Variants in DMAC2L observed in about 807,000 individuals in gnomAD.
DMAC2L encodes the protein distal membrane arm assembly component 2 like, also known as ATP synthase subunit s, mitochondrial.
Under a neutral mutation model 22.5 loss-of-function variants are expected in DMAC2L, and 21 were observed. The observed-to-expected ratio is 0.93, with a 90% CI of 0.66 to 1.34. DMAC2L has a LOEUF of 1.34. Among genes scored for constraint, DMAC2L ranks in the 40% most tolerant of loss-of-function variants. DMAC2L has a pLI of 0.00. For synonymous variants in DMAC2L, 86 were observed against 89.5 expected (o/e 0.96, Z 0.22); for missense variants, 239 against 246.5 (o/e 0.97, Z 0.20).
In DMAC2L at chr14:50,312,429, G is replaced by C; in HGVS notation, c.-42+40G>C. 5 of 536,394 alleles carry C rather than the reference G, an allele frequency of 9.3e-6. No homozygotes were observed. The South Asian group carries it at 1.0e-4, about 11-fold the overall frequency. The allele number at this position is 536,394 out of a possible 1,614,324, so 33.2% of individuals were successfully genotyped here. On this transcript the variant is annotated intron_variant, in intron 1 of 5. Coordinates refer to ENST00000557421, the MANE Select transcript of DMAC2L (RefSeq NM_001382507.1). ...TAGGCCCCGAGCCGGGCGGGACTAG[G>C]GTGGTGGTTGTGTTCTGCCCTCGCC...
At chr14:50,311,957 T>C (rs1301173006), upstream of DMAC2L, 1 of 1,538,488 alleles carries the variant, frequency 6.5e-7, no homozygotes. Context: ...CACCACCAGG[T>C]GCCTCCGCGA....
upstream of DMAC2L, chr14:50,312,266 C>T (rs1276383601): frequency 6.8e-7 from 1 of 1,469,090 alleles, no homozygotes; most frequent in Admixed American, 2.0e-5. Context: ...AGTGGCGCGC[C>T]TTCGCCCCAT....
At chr14:50,320,075 A>G (rs2032138343) in intron 2 of DMAC2L, among the ~76,000 whole-genome samples, 3 of 152,012 alleles carry the variant, frequency 2.0e-5, no homozygotes, top group Admixed American at 1.3e-4. Flanking sequence ...AACAATGCCA[A>G]TGCTTTGTTC....
At chr14:50,318,764 T>A (rs1198781971) in intron 2 of DMAC2L, among the ~76,000 whole-genome samples, 1 of 152,332 alleles carries the variant, frequency 6.6e-6, no homozygotes, top group Non-Finnish European at 1.5e-5. Flanking sequence ...AAGACACCTC[T>A]AGTGTGAAGG....
chr14:50,315,217 C>T (rs1458408803), intron 2 of DMAC2L, among the ~76,000 whole-genome samples: 2 of 151,812 alleles, frequency 1.3e-5, no homozygotes, highest in African/African-American at 2.4e-5. Flanking sequence ...CCACCCGCCT[C>T]GGCCTCCCAA....
chr14:50,313,477 GT>G (rs1341955756), intron 1 of DMAC2L, among the ~76,000 whole-genome samples: 1 of 152,100 alleles, frequency 6.6e-6, no homozygotes. Flanking sequence ...TGGTTAAAGG[GT>G]TTTACCACCA....
rs1327468986 is a variant in DMAC2L, at chr14:50,319,451, A to C, written c.-5-2032A>C. On this transcript the variant is annotated intron_variant, in intron 2 of 5. Coordinates refer to ENST00000557421, the MANE Select transcript of DMAC2L (RefSeq NM_001382507.1). ...TTCCAGAACCATGTAATGATTGAGG[A>C]AAGGACCCTGGGCTGGTAGAGAACT... is the stretch of plus-strand genomic sequence containing the variant. 4 of 1,260,712 alleles carry C rather than the reference A, an allele frequency of 3.2e-6. No individual in the cohort carries two copies. The African/African-American group carries it at 4.5e-5, about 14-fold the overall frequency. 78.1% of individuals were successfully genotyped at this position (1,260,712 alleles called of 1,614,324 possible).
chr14:50,319,164 A>G lies in DMAC2L; in HGVS notation c.-5-2319A>G, dbSNP rs113764228. 1.7e-3 allele frequency: 2,639 copies of G among 1,529,950 alleles called. 48 individuals are homozygous for G. In the African/African-American group the frequency reaches 0.032, roughly 19 times the overall value. 94.8% of individuals were successfully genotyped at this position (1,529,950 alleles called of 1,614,324 possible). A position where few individuals can be genotyped will look rare whatever the true frequency, so the allele number is the denominator to read the frequency against. ...CCCATATTTGTAAATAAGATTGACA[A>G]CTAATAGAGTTATTCAAGGTGGGCA... On this transcript the variant is annotated intron_variant, in intron 2 of 5. Coordinates refer to ENST00000557421, the MANE Select transcript of DMAC2L (RefSeq NM_001382507.1).
At chr14:50,320,267 A>AT (rs2032157065) in intron 2 of DMAC2L, among the ~76,000 whole-genome samples, 1 of 99,060 alleles carries the variant, frequency 1.0e-5, no homozygotes, top group Non-Finnish European at 2.3e-5. Context: ...CTAATTTTTT[A>AT]TTTTTTTATT....
intron 4 of DMAC2L, among the ~76,000 whole-genome samples, chr14:50,323,352 G>C (rs901986124): frequency 6.1e-5 from 9 of 147,052 alleles, no homozygotes; most frequent in Non-Finnish European, 1.0e-4. Flanking sequence ...GCCTCCCAAA[G>C]TGCTGGGATT....
At chr14:50,325,570 T>C in intron 5 of DMAC2L, 39 bp from the exon 6 acceptor site, 1 of 1,554,630 alleles carries the variant, frequency 6.4e-7, no homozygotes, top group Non-Finnish European at 8.8e-7. Flanking sequence ...TTTTTAATGC[T>C]CTTGGCCAAA....
intron 1 of DMAC2L, among the ~76,000 whole-genome samples, chr14:50,313,540 C>G (rs541037314): frequency 3.9e-5 from 6 of 152,242 alleles, no homozygotes; most frequent in Non-Finnish European, 8.8e-5. Context: ...AGAATATTGC[C>G]TGCTTGTTCC....
intron 1 of DMAC2L, chr14:50,312,760 C>T (rs2031362632): frequency 2.1e-6 from 1 of 480,304 alleles, no homozygotes; most frequent in African/African-American, 2.0e-5. Context: ...TAGAAGGGCG[C>T]TCCCTGTCCG....
intron 3 of DMAC2L, 124 bp from the exon 4 acceptor site, chr14:50,322,387 T>TG: frequency 1.1e-6 from 1 of 875,630 alleles, no homozygotes; most frequent in Non-Finnish European, 1.6e-6. Context: ...CTCACTAATT[T>TG]ATCTTCCTCG....
intron 1 of DMAC2L, chr14:50,312,621 C>G: frequency 3.5e-6 from 1 of 289,506 alleles, no homozygotes; most frequent in South Asian, 4.8e-5. Flanking sequence ...CGCCCTCGGC[C>G]CCGCCCCCGC....
At chr14:50,312,914 G>A in intron 1 of DMAC2L, 1 of 1,254,308 alleles carries the variant, frequency 8.0e-7, no homozygotes, top group Non-Finnish European at 1.2e-6. Context: ...CGCCTGCTCT[G>A]TACTCGACCC....
At chr14:50,312,110 C>G (rs776223095), upstream of DMAC2L, 2 of 1,609,252 alleles carry the variant, frequency 1.2e-6, no homozygotes, top group South Asian at 2.2e-5. Context: ...CCCGCGGGCC[C>G]GTCCGCAGGC....
intron 2 of DMAC2L, among the ~76,000 whole-genome samples, chr14:50,318,426 C>G (rs776915953): frequency 6.6e-6 from 1 of 152,074 alleles, no homozygotes; most frequent in East Asian, 1.9e-4. Flanking sequence ...TAAATTTGGC[C>G]TTTCGTTTAA....
At position 50,326,411 on chromosome 14, in the gene DMAC2L, A is replaced by G; in HGVS notation, c.*688A>G. 1.0e-6 allele frequency: 1 copy of G among 964,566 alleles called. No individual in the cohort carries two copies. Among genetic ancestry groups the G allele is most frequent in the Non-Finnish European group, 1.2e-6 (1 of 810,956 alleles). The allele number at this position is 964,566 out of a possible 1,614,324, so 59.8% of individuals were successfully genotyped here. A position where few individuals can be genotyped will look rare whatever the true frequency, so the allele number is the denominator to read the frequency against. On this transcript the variant is annotated 3_prime_UTR_variant, in exon 6 of 6. Coordinates refer to ENST00000557421, the MANE Select transcript of DMAC2L (RefSeq NM_001382507.1). ...AACTTTAAAGTTAGTGAAGCATACTACCATAAATGCACAATTATGAAAAAT... is the reference window on the plus strand; with the variant it reads ...AACTTTAAAGTTAGTGAAGCATACTGCCATAAATGCACAATTATGAAAAAT...
Sources: gnomAD v4.1 joint callset for allele counts (sites outside exome capture counted in the v4.1 genomes callset) on GRCh38, gnomAD v4.1.1 for gene constraint, MANE v1.5 for transcripts, NCBI Gene and HGNC (gene_info 2026-07-23, HGNC 2026-07-21) for gene names.